PCDH15: variants seen among roughly 807,000 people sequenced by gnomAD.
The protein encoded by PCDH15 is protocadherin-15.
Under a neutral mutation model 178.5 loss-of-function variants are expected in PCDH15, and 129 were observed. The observed-to-expected ratio is 0.72, with a 90% CI of 0.63 to 0.84. PCDH15 has a LOEUF of 0.84. PCDH15 is among the 40% of genes least tolerant of loss of function. PCDH15 has a pLI of 0.00. For synonymous variants in PCDH15, 800 were observed against 732.0 expected, an observed-to-expected ratio of 1.09 and a Z score of -1.50; for missense variants, 2,230 against 2,099.9, an observed-to-expected ratio of 1.06 and a Z score of -1.21.
At chr10:54,946,957 C>T (rs918970349) in intron 2 of PCDH15, among the ~76,000 whole-genome samples, 16 of 151,874 alleles carry the variant, frequency 1.1e-4, no homozygotes, top group African/African-American at 3.6e-4. Flanking sequence ...TAGCAATGCT[C>T]TATTCACAGT....
chr10:54,438,062 T>C (rs12261493), intron 3 of PCDH15, among the ~76,000 whole-genome samples: 1 of 152,034 alleles, frequency 6.6e-6, no homozygotes, highest in African/African-American at 2.4e-5. Context: ...TTTAAAAAGG[T>C]CTAGTTGCAT....
chr10:55,119,047 C>T (rs567026858), intron 2 of PCDH15, among the ~76,000 whole-genome samples: 1 of 152,306 alleles, frequency 6.6e-6, no homozygotes, highest in African/African-American at 2.4e-5. Flanking sequence ...CTGCACCTGG[C>T]ACGTCTCCTG....
intron 20 of PCDH15, among the ~76,000 whole-genome samples, chr10:54,018,389 C>T (rs968108405): frequency 1.5e-5 from 2 of 136,948 alleles, no homozygotes; most frequent in African/African-American, 5.5e-5. Context: ...CCAACAGAAT[C>T]CAAATGATAT....
chr10:55,254,768 G>A (rs1454956722), intron 1 of PCDH15, among the ~76,000 whole-genome samples: 1 of 152,122 alleles, frequency 6.6e-6, no homozygotes, highest in Admixed American at 6.6e-5. Flanking sequence ...TATGTAATTT[G>A]AAATACAAAT....
chr10:55,200,657 C>T (rs1354538540), intron 1 of PCDH15, among the ~76,000 whole-genome samples: 1 of 152,042 alleles, frequency 6.6e-6, no homozygotes, highest in Non-Finnish European at 1.5e-5. Flanking sequence ...TATTTCCCCA[C>T]CCAAATCTCA....
At chr10:54,141,017 G>C (rs11497832) in intron 14 of PCDH15, among the ~76,000 whole-genome samples, 2,347 of 151,598 alleles carry the variant, frequency 0.015, 75 homozygotes, top group African/African-American at 0.054. Flanking sequence ...TTTGCTATTT[G>C]TTCTACTTAA....
At chr10:54,460,260 C>T (rs1409282401) in intron 3 of PCDH15, among the ~76,000 whole-genome samples, 5 of 152,068 alleles carry the variant, frequency 3.3e-5, no homozygotes, top group African/African-American at 1.2e-4. Flanking sequence ...GTGCCTGACT[C>T]ATCTATTGAT....
chr10:54,735,295 G>A (rs1677399038), intron 1 of PCDH15, among the ~76,000 whole-genome samples: 1 of 152,010 alleles, frequency 6.6e-6, no homozygotes, highest in African/African-American at 2.4e-5. Context: ...TGTATTTTCT[G>A]TGTCAGTCAG....
intron 3 of PCDH15, among the ~76,000 whole-genome samples, chr10:54,389,087 G>A (rs1334725268): frequency 6.6e-6 from 1 of 151,964 alleles, no homozygotes; most frequent in Non-Finnish European, 1.5e-5. Context: ...TATCCCTATT[G>A]AGACCAGGAA....
Position 54,285,542 on chromosome 10 carries a change from G to A in PCDH15, c.876+31729C>T, listed in dbSNP as rs1035576082. On this transcript the variant is annotated intron_variant, in intron 8 of 37. Transcript: ENST00000644397. ...CCACAATATCATCTCATCCCAATTCGAATATTATCAAATAGACAAAAAATA... is the reference window on the plus strand; with the variant it reads ...CCACAATATCATCTCATCCCAATTCAAATATTATCAAATAGACAAAAAATA... Among the ~76,000 whole-genome samples the A allele has an allele frequency of 5.9e-5, 9 of 152,066 alleles. 1 individual carries two copies. Among genetic ancestry groups the A allele is most frequent in the South Asian group, 4.2e-4 (2 of 4,814 alleles).
intron 1 of PCDH15, among the ~76,000 whole-genome samples, chr10:55,206,019 C>A (rs1277569386): frequency 2.6e-5 from 4 of 151,886 alleles, no homozygotes; most frequent in African/African-American, 9.7e-5. Flanking sequence ...AGACCCACCC[C>A]CAAGATTCAA....
intron 5 of PCDH15, among the ~76,000 whole-genome samples, chr10:54,363,611 G>A (rs1243199367): frequency 6.6e-6 from 1 of 152,116 alleles, no homozygotes; most frequent in Non-Finnish European, 1.5e-5. Flanking sequence ...CTAATTTATT[G>A]TGGGTATATT....
intron 5 of PCDH15, among the ~76,000 whole-genome samples, chr10:54,364,936 A>G (rs1206912128): frequency 6.6e-6 from 1 of 152,110 alleles, no homozygotes; most frequent in East Asian, 1.9e-4. Flanking sequence ...TTATAGCTCC[A>G]CTGGTGTTCA....
chr10:55,188,127 G>GT (rs1158816499), intron 1 of PCDH15, among the ~76,000 whole-genome samples: 1 of 151,958 alleles, frequency 6.6e-6, no homozygotes, highest in Non-Finnish European at 1.5e-5. Context: ...TAAGCAAACA[G>GT]TTTAAAACAT....
At chr10:54,615,274 T>C (rs2093098215) in intron 2 of PCDH15, among the ~76,000 whole-genome samples, 1 of 151,916 alleles carries the variant, frequency 6.6e-6, no homozygotes, top group Non-Finnish European at 1.5e-5. Flanking sequence ...GGCTAGAGTA[T>C]GTTGGGCATA....
At chr10:55,547,079 C>T (rs1364621326) in intron 2 of PCDH15, among the ~76,000 whole-genome samples, 3 of 152,110 alleles carry the variant, frequency 2.0e-5, no homozygotes, top group African/African-American at 7.2e-5. Flanking sequence ...GAGTTTTGCT[C>T]AGGCAGGAAT....
intron 2 of PCDH15, among the ~76,000 whole-genome samples, chr10:54,633,169 A>AT (rs899569043): frequency 6.6e-6 from 1 of 152,032 alleles, no homozygotes; most frequent in Non-Finnish European, 1.5e-5. Context: ...AAATGATTTT[A>AT]TTTTTTTCAA....
intron 1 of PCDH15, among the ~76,000 whole-genome samples, chr10:54,773,979 G>A (rs1949386840): frequency 7.7e-6 from 1 of 130,436 alleles, no homozygotes; most frequent in Non-Finnish European, 1.6e-5. Context: ...TAAAAGTCAA[G>A]TCTAGATGAA....
intron 25 of PCDH15, among the ~76,000 whole-genome samples, chr10:53,905,715 A>G (rs1325782883): frequency 6.6e-6 from 1 of 152,102 alleles, no homozygotes; most frequent in Non-Finnish European, 1.5e-5. Flanking sequence ...TTAAGATTCA[A>G]ATACCAAATT....
Sources: allele counts gnomAD v4.1 joint callset (sites outside exome capture counted in the v4.1 genomes callset), GRCh38; gene constraint gnomAD v4.1.1; transcripts MANE v1.5; gene names NCBI Gene and HGNC (gene_info 2026-07-23, HGNC 2026-07-21).